FLT4: variants seen among roughly 807,000 people sequenced by gnomAD.
FLT4 encodes fms related receptor tyrosine kinase 4.
Under a neutral mutation model 163.2 loss-of-function variants are expected in FLT4, and 30 were observed. The ratio of observed to expected loss-of-function variants is 0.18; its 90% CI spans 0.14 to 0.25. The LOEUF is 0.25. FLT4 is among the 10% of genes least tolerant of loss of function. The pLI is 1.00. For synonymous variants in FLT4, 884 were observed against 789.5 expected (o/e 1.12, Z -2.01); for missense variants, 1,510 against 1,863.8 (o/e 0.81, Z 3.50).
chr5:180,631,263 G>C (rs939056484), intron 2 of FLT4, among the ~76,000 whole-genome samples: 5 of 151,970 alleles, frequency 3.3e-5, no homozygotes, highest in African/African-American at 1.2e-4. Flanking sequence ...TACGAGGTCA[G>C]GAGATCAAGA....
rs371869721 is a variant in FLT4 at position 180,630,552 on chromosome 5, C to T, written c.400+3G>A. The T allele has an allele frequency of 8.7e-6, 14 of 1,612,732 alleles. No individual in the cohort carries two copies. The African/African-American group carries it at 9.3e-5, about 11-fold the overall frequency. On this transcript the variant is annotated splice_donor_region_variant and intron_variant, in intron 3 of 29. Coordinates refer to ENST00000261937, the MANE Select transcript of FLT4 (RefSeq NM_182925.5). The surrounding 1 kb of genome is among the most constrained non-coding windows in gnomAD (Gnocchi z 6.3). ...TCCAGCCTGGCCCGCCTCCAAGTCTCACCTCTCACGAACACGTAGGAGCTG... is the reference window on the plus strand; with the variant it reads ...TCCAGCCTGGCCCGCCTCCAAGTCTTACCTCTCACGAACACGTAGGAGCTG...
At chr5:180,603,460 C>A in intron 29 of FLT4, 70 bp from the exon 30 acceptor site, 11 of 1,422,476 alleles carry the variant, frequency 7.7e-6, no homozygotes, top group African/African-American at 1.4e-5. Flanking sequence ...TACTGGTAAT[C>A]CCAGTACTTG....
At chr5:180,644,429 T>C (rs1765366457) in intron 1 of FLT4, among the ~76,000 whole-genome samples, 1 of 152,208 alleles carries the variant, frequency 6.6e-6, no homozygotes, top group African/African-American at 2.4e-5. Flanking sequence ...TGGTTAGAAA[T>C]TGAAGAGTCC....
chr5:180,650,059 C>T (rs1322960414), upstream of FLT4, among the ~76,000 whole-genome samples: 1 of 149,836 alleles, frequency 6.7e-6, no homozygotes, highest in Non-Finnish European at 1.5e-5. Context: ...TGGTTGTGCG[C>T]GCCTGTAATC....
chr5:180,621,499 C>G, intron 13 of FLT4, 43 bp downstream of exon 13: 6 of 1,604,198 alleles, frequency 3.7e-6, no homozygotes, highest in Non-Finnish European at 5.1e-6. Flanking sequence ...GCAGCTACTG[C>G]TAGAAGAGAG....
At chr5:180,644,916 C>T (rs566205873) in intron 1 of FLT4, among the ~76,000 whole-genome samples, 14 of 152,374 alleles carry the variant, frequency 9.2e-5, no homozygotes, top group East Asian at 3.9e-4. Context: ...TCACCTGCCC[C>T]GGAAGGCCCC....
intron 18 of FLT4, 101 bp from the exon 19 acceptor site, chr5:180,619,467 G>T: frequency 9.7e-7 from 1 of 1,032,588 alleles, no homozygotes; most frequent in Non-Finnish European, 1.5e-6. Context: ...AGGGCCCCCA[G>T]GACATCCTGC....
chr5:180,604,666 C>T (rs558447204), intron 29 of FLT4, among the ~76,000 whole-genome samples: 8 of 152,160 alleles, frequency 5.3e-5, no homozygotes, highest in Admixed American at 6.5e-5. Flanking sequence ...CATCCTCAAG[C>T]GCTCACTTTC....
intron 26 of FLT4, 98 bp from the exon 27 acceptor site, chr5:180,611,577 AC>A: frequency 9.2e-7 from 1 of 1,088,168 alleles, no homozygotes; most frequent in South Asian, 1.6e-5. Context: ...CTCAGCCCTC[AC>A]CCCCGCCCTC....
rs762995809 is a variant in FLT4, at chr5:180,630,000, C to T, written c.619G>A (p.Glu207Lys). The change falls in exon 5 of 30, where the codon GAG becomes AAG. Residue 207 changes from glutamate to lysine, a missense_variant. Physicochemically the swap from Glu to Lys is moderately conservative, Grantham distance 56. Around this residue, in one of 5 missense-constraint regions of FLT4, gnomAD observed 163 missense variants for 281.1 expected, o/e 0.58. Transcript: ENST00000261937. ...LLHDALYLQC[E>K]TTWGDQDFLS... ...AAGTCCTGGTCTCCCCAGGTGGTCT[C>T]GCACTGCAGGTACAGGGCATCGTGC... is the stretch of plus-strand genomic sequence containing the variant. 13 of 1,612,732 alleles carry T rather than the reference C, an allele frequency of 8.1e-6. No homozygotes were observed. The highest frequency in any genetic ancestry group is 4.4e-5 in the South Asian group (4 of 91,090).
At chr5:180,615,111 C>T (rs551966272) in intron 23 of FLT4, among the ~76,000 whole-genome samples, 66 of 152,324 alleles carry the variant, frequency 4.3e-4, no homozygotes, top group African/African-American at 1.5e-3. Flanking sequence ...CAAAGACAAG[C>T]TCCAATCAGA....
intron 24 of FLT4, chr5:180,613,584 C>T (rs1561700695): frequency 3.8e-6 from 1 of 263,022 alleles, no homozygotes; most frequent in African/African-American, 2.2e-5. Flanking sequence ...TCTGGCTTAC[C>T]CGAGCTCCCA....
chr5:180,646,429 C>T (rs760828267), intron 1 of FLT4, among the ~76,000 whole-genome samples: 1 of 152,150 alleles, frequency 6.6e-6, no homozygotes, highest in Non-Finnish European at 1.5e-5. Context: ...CCAGCCTCAC[C>T]GGACCACCCA....
rs1374141592 is a variant in FLT4 at position 180,630,561 on chromosome 5, C to T, written c.394G>A (p.Val132Met). 1.9e-6 allele frequency: 3 copies of T among 1,612,806 alleles called. No homozygotes were observed. The highest frequency in any genetic ancestry group is 1.7e-5 in the Admixed American group (1 of 60,006). The change falls in exon 3 of 30, where the codon GTG (valine) becomes ATG (methionine). Residue 132 changes from valine to methionine, a missense_variant. Physicochemically the swap from Val to Met is conservative, Grantham distance 21. Coordinates refer to ENST00000261937, the MANE Select transcript of FLT4 (RefSeq NM_182925.5). The surrounding 1 kb of genome is among the most constrained non-coding windows in gnomAD (Gnocchi z 6.3). ...GCCCGCCTCCAAGTCTCACCTCTCA[C>T]GAACACGTAGGAGCTGGCGGCCGTG... is the stretch of plus-strand genomic sequence containing the variant. ...GTTAASSYVF[V>M]RDFEQPFINK...
intron 17 of FLT4, 31 bp from the exon 18 acceptor site, chr5:180,619,800 G>T: frequency 1.3e-6 from 2 of 1,536,590 alleles, no homozygotes; most frequent in Non-Finnish European, 1.8e-6. Context: ...TTGCAGGTGA[G>T]CTGTACGGGG....
At position 180,636,981 on chromosome 5, in the gene FLT4, C is replaced by A. The variant is rs951856041; in HGVS notation, c.59-5203G>T. On this transcript the variant is annotated intron_variant, in intron 1 of 29. Transcript: ENST00000261937. This position sits in a 1 kb window ranked among gnomAD's most constrained non-coding sequence, Gnocchi z 4.3. ...AAGGCCCCCACAGGAGCTCCTCCCC[C>A]CCATTTTCCTGGGTGCACACAGTTC... Among the ~76,000 whole-genome samples, 9 of 152,108 alleles carry A rather than the reference C, an allele frequency of 5.9e-5. No individual in the cohort carries two copies. Among genetic ancestry groups the A allele is most frequent in the East Asian group, 3.9e-4 (2 of 5,164 alleles).
Position 180,646,840 on chromosome 5 carries a change from T to G in FLT4, c.58+2648A>C, listed in dbSNP as rs1765517073. Among the ~76,000 whole-genome samples the G allele has an allele frequency of 2.0e-5, 3 of 152,112 alleles. No homozygotes were observed. The South Asian group carries it at 6.2e-4, about 31-fold the overall frequency. ...CGCCAGACAGACCACACATCACACC[T>G]CGTACCCTGTCTGGGCCCAGCCATG... is the stretch of plus-strand genomic sequence containing the variant. On this transcript the variant is annotated intron_variant, in intron 1 of 29. Coordinates refer to ENST00000261937, the MANE Select transcript of FLT4 (RefSeq NM_182925.5).
chr5:180,621,434 G>A, intron 13 of FLT4, 108 bp downstream of exon 13: 4 of 1,510,136 alleles, frequency 2.6e-6, no homozygotes, highest in Non-Finnish European at 3.6e-6. Flanking sequence ...GCTCCTGCAG[G>A]CCAGGGCTGT....
rs34255532 is a variant in FLT4, at chr5:180,618,911, G to C, written c.2860C>G (p.Pro954Ala). ...DAFSPCAEKS[P>A]EQRGRFRAMV... ...GCGCGGAAGCGTCCGCGCTGCTCGG[G>C]AGACTTCTCCTGCGGATGCACGAAG... The change falls in exon 21 of 30, where the codon CCC becomes GCC. Residue 954 changes from proline (P) to alanine (A), a missense_variant. Pro to Ala is a conservative substitution (Grantham distance 27). Coordinates refer to ENST00000261937, the MANE Select transcript of FLT4 (RefSeq NM_182925.5). The C allele has an allele frequency of 8.8e-6, 14 of 1,585,764 alleles. No individual in the cohort carries two copies. The highest frequency in any genetic ancestry group is 1.7e-4 in the Middle Eastern group (1 of 6,002).
Sources: gnomAD v4.1 joint callset for allele counts (sites outside exome capture counted in the v4.1 genomes callset) on GRCh38, gnomAD v4.1.1 for gene constraint, gnomAD v4.1.1 regional missense constraint, Gnocchi (gnomAD v3.1) non-coding constraint, MANE v1.5 for transcripts, NCBI Gene and HGNC (gene_info 2026-07-23, HGNC 2026-07-21) for gene names.